Variants in MAGI1 observed in about 807,000 individuals in gnomAD.
The protein encoded by MAGI1 is membrane-associated guanylate kinase, WW and PDZ domain-containing protein 1.
MAGI1 carries 58 observed loss-of-function variants against 139.9 expected under a neutral mutation model. The ratio of observed to expected loss-of-function variants is 0.41; its 90% CI spans 0.34 to 0.52. The LOEUF is 0.52. Ranked by LOEUF, MAGI1 falls within the 20% of genes least tolerant of loss-of-function variation. The probability of loss-of-function intolerance (pLI) is 0.12; values close to 1 mark genes in which losing one functional copy is unlikely to be tolerated. For missense variants in MAGI1, 1,874 were observed against 1,901.6 expected (o/e 0.99, Z 0.27); for synonymous variants, 812 against 737.9 (o/e 1.10, Z -1.63).
chr3:65,893,092 A>T (rs2060831331), intron 1 of MAGI1, among the ~76,000 whole-genome samples: 1 of 152,222 alleles, frequency 6.6e-6, no homozygotes, highest in Admixed American at 6.5e-5. Context: ...CTCTCAGAGT[A>T]TCTAAGAAGG....
At position 65,375,162 on chromosome 3, in the gene MAGI1, G is replaced by C. The variant is rs542882823; in HGVS notation, c.3196+583C>G. Among the ~76,000 whole-genome samples, 5 of 151,732 alleles carry C rather than the reference G, an allele frequency of 3.3e-5. No individual in the cohort carries two copies. In the East Asian group the frequency reaches 9.7e-4, roughly 29 times the overall value. On this transcript the variant is annotated intron_variant, in intron 18 of 22. Transcript: ENST00000402939. ...GGACACAAAAAGCTAAATAAGTTGA[G>C]GAAAGGGTGAAGATTTTTCTGAAAC...
chr3:65,763,670 C>T (rs1023676958), intron 1 of MAGI1, among the ~76,000 whole-genome samples: 1 of 151,482 alleles, frequency 6.6e-6, no homozygotes, highest in Non-Finnish European at 1.5e-5. Flanking sequence ...TGCGCATAAG[C>T]ATTTCCCTAC....
At chr3:65,428,664 C>T (rs914197735) in intron 12 of MAGI1, among the ~76,000 whole-genome samples, 1 of 152,140 alleles carries the variant, frequency 6.6e-6, no homozygotes, top group Non-Finnish European at 1.5e-5. Flanking sequence ...CAGCTGTCCA[C>T]ATGCACACAT....
chr3:65,519,379 CACACACATAT>C (rs1264547407), intron 2 of MAGI1, among the ~76,000 whole-genome samples: 3 of 44,764 alleles, frequency 6.7e-5, no homozygotes, highest in East Asian at 1.5e-3. Context: ...CACACACACA[CACACACATAT>C]ATATAATTTT....
At chr3:65,530,675 A>ATGTG (rs1491387706) in intron 2 of MAGI1, among the ~76,000 whole-genome samples, 1 of 130,746 alleles carries the variant, frequency 7.6e-6, no homozygotes, top group African/African-American at 3.3e-5. Context: ...ATATATATAC[A>ATGTG]TATATATATA....
At chr3:65,485,930 C>T (rs1352730609) in intron 3 of MAGI1, among the ~76,000 whole-genome samples, 2 of 152,196 alleles carry the variant, frequency 1.3e-5, no homozygotes, top group Non-Finnish European at 2.9e-5. Context: ...CCCCCATCTT[C>T]ATAAGCAGAA....
At chr3:66,009,935 G>A (rs973618020) in intron 1 of MAGI1, among the ~76,000 whole-genome samples, 3 of 151,836 alleles carry the variant, frequency 2.0e-5, no homozygotes, top group Non-Finnish European at 4.4e-5. Flanking sequence ...AATGAGATGG[G>A]TATGCTGGTG....
intron 1 of MAGI1, among the ~76,000 whole-genome samples, chr3:65,915,249 C>T (rs557211642): frequency 2.0e-4 from 30 of 152,194 alleles, no homozygotes; most frequent in Non-Finnish European, 4.0e-4. Context: ...GGACTGTTCA[C>T]ATTTGAACAG....
intron 12 of MAGI1, among the ~76,000 whole-genome samples, chr3:65,426,551 T>C (rs1299421543): frequency 4.0e-5 from 6 of 151,746 alleles, no homozygotes; most frequent in African/African-American, 7.3e-5. Context: ...TTACTAGCAG[T>C]TACAAAATAA....
intron 22 of MAGI1, chr3:65,360,623 T>A (rs1284783753): frequency 1.0e-6 from 1 of 985,172 alleles, no homozygotes; most frequent in Non-Finnish European, 1.2e-6. Flanking sequence ...TATTAACAGT[T>A]TTTGTTTGTT....
At position 65,429,949 on chromosome 3, in the gene MAGI1, G is replaced by T. The variant is rs1306679602; in HGVS notation, c.1738C>A (p.Pro580Thr). 1.2e-6 allele frequency: 2 copies of T among 1,613,868 alleles called. No homozygotes were observed. Among genetic ancestry groups the T allele is most frequent in the Non-Finnish European group, 1.7e-6 (2 of 1,179,958 alleles). The stretch of plus-strand genomic sequence containing the variant: ...GTCTCTTGCCCATTCACAATAATTG[G>T]TTCTTTATCCAAAATGGCTACCGAG... ...VTSVAILDKE[P>T]IIVNGQETYD... Residue 580 changes from proline to threonine, a missense_variant, in exon 12 of 23, where the codon CCA becomes ACA. By Grantham distance (38) the Pro-to-Thr change is conservative. Coordinates refer to ENST00000402939, the MANE Select transcript of MAGI1 (RefSeq NM_001033057.2).
chr3:65,357,060 C>CGGTCG lies in MAGI1; in HGVS notation c.3702_3706dup (p.Arg1236ProfsTer201). The CGGTCG allele has an allele frequency of 1.2e-6, 2 of 1,614,160 alleles. No individual in the cohort carries two copies. The highest frequency in any genetic ancestry group is 2.7e-5 in the African/African-American group (2 of 75,058). ...GGACTCCAATGACGGATGCTGCCGG[C>CGGTCG]GGTCGGGCCCGGCCCTCACTTCCGG... is the stretch of plus-strand genomic sequence containing the variant. On this transcript the variant is annotated frameshift_variant, in exon 23 of 23. Coordinates refer to ENST00000402939, the MANE Select transcript of MAGI1 (RefSeq NM_001033057.2). LOFTEE classifies it low-confidence loss of function (END_TRUNC).
At chr3:65,639,623 G>C (rs1576567127) in intron 1 of MAGI1, among the ~76,000 whole-genome samples, 1 of 152,308 alleles carries the variant, frequency 6.6e-6, no homozygotes, top group East Asian at 1.9e-4. Flanking sequence ...GAGTAAGCCA[G>C]ATTGCCCTCC....
At chr3:65,406,015 C>A (rs1945311346) in intron 12 of MAGI1, among the ~76,000 whole-genome samples, 1 of 152,148 alleles carries the variant, frequency 6.6e-6, no homozygotes, top group Non-Finnish European at 1.5e-5. Context: ...CGTGAGCCGC[C>A]ACGCCCGGCC....
chr3:65,637,848 G>A (rs965716991), intron 1 of MAGI1, among the ~76,000 whole-genome samples: 3 of 152,104 alleles, frequency 2.0e-5, no homozygotes, highest in African/African-American at 7.2e-5. Flanking sequence ...TAGCAGTTAT[G>A]ATTCTTTGAA....
At chr3:65,784,847 T>G (rs1316804943) in intron 1 of MAGI1, among the ~76,000 whole-genome samples, 4 of 151,488 alleles carry the variant, frequency 2.6e-5, no homozygotes, top group Non-Finnish European at 5.9e-5. Flanking sequence ...TAAGGTGGAG[T>G]AGCACATCAC....
intron 1 of MAGI1, among the ~76,000 whole-genome samples, chr3:65,813,004 C>T (rs1258608894): frequency 2.0e-5 from 3 of 150,478 alleles, no homozygotes; most frequent in Non-Finnish European, 4.4e-5. Context: ...AGCCACCGCG[C>T]CCAGCCTAGT....
At chr3:66,024,315 T>TAAAAAAAAAAAAAAAA (rs34593257) in intron 1 of MAGI1, among the ~76,000 whole-genome samples, 2 of 95,776 alleles carry the variant, frequency 2.1e-5, no homozygotes, top group Non-Finnish European at 2.0e-5. Flanking sequence ...CAAAGTTCAT[T>TAAAAAAAAAAAAAAAA]AAAAAAAAAA....
At chr3:65,836,240 G>A (rs532325141) in intron 1 of MAGI1, among the ~76,000 whole-genome samples, 40 of 152,066 alleles carry the variant, frequency 2.6e-4, no homozygotes, top group Admixed American at 2.2e-3. Context: ...TGCAAAATGT[G>A]AATAATTTGC....
Sources: allele counts gnomAD v4.1 joint callset (sites outside exome capture counted in the v4.1 genomes callset), GRCh38; gene constraint gnomAD v4.1.1; transcripts MANE v1.5; gene names NCBI Gene and HGNC (gene_info 2026-07-23, HGNC 2026-07-21).